Variants in PACRG observed in about 807,000 individuals in gnomAD.
PACRG encodes parkin coregulated, also known as parkin coregulated gene protein.
PACRG carries 29 observed loss-of-function variants against 29.7 expected under a neutral mutation model. That is an observed-to-expected ratio of 0.98 (90% CI 0.73 to 1.33). The LOEUF is 1.33. Ranked by LOEUF, PACRG falls within the 40% of genes most tolerant of loss-of-function variation. The probability of loss-of-function intolerance (pLI) is 0.00; values close to 1 mark genes in which losing one functional copy is unlikely to be tolerated. For missense variants in PACRG, 279 were observed against 316.2 expected (o/e 0.88, Z 0.89); for synonymous variants, 116 against 118.7 (o/e 0.98, Z 0.15).
chr6:162,896,136 G>A (rs977941510), intron 2 of PACRG, among the ~76,000 whole-genome samples: 1 of 152,208 alleles, frequency 6.6e-6, no homozygotes, highest in Admixed American at 6.5e-5. Flanking sequence ...CCTGAGAGGG[G>A]CCTAGGCAGG....
chr6:162,814,225 G>A lies in PACRG; in HGVS notation c.235G>A (p.Gly79Ser). 6.2e-7 allele frequency: 1 copy of A among 1,613,818 alleles called. No individual in the cohort carries two copies. The highest frequency in any genetic ancestry group is 8.5e-7 in the Non-Finnish European group (1 of 1,179,880). ...PTAFRKFYER[G>S]DFPIALEHDS... ...AGCATTTCGAAAATTCTATGAGCGAGGTGACTTCCCAATTGCCCTTGAGCA... is the reference window on the plus strand; with the variant it reads ...AGCATTTCGAAAATTCTATGAGCGAAGTGACTTCCCAATTGCCCTTGAGCA... The change falls in exon 2 of 5, where the codon GGT (glycine) becomes AGT (serine). Residue 79 changes from glycine (G) to serine (S), a missense_variant. By Grantham distance (56) the Gly-to-Ser change is moderately conservative (BLOSUM62 0). Transcript: ENST00000366888.
chr6:163,301,404 T>C (rs1784997632), intron 4 of PACRG, among the ~76,000 whole-genome samples: 1 of 152,202 alleles, frequency 6.6e-6, no homozygotes, highest in East Asian at 1.9e-4. Context: ...AAGCTATAAA[T>C]TGTTTGCTCA....
chr6:163,245,183 A>G, intron 4 of PACRG: 1 of 340,876 alleles, frequency 2.9e-6, no homozygotes, highest in East Asian at 7.8e-5. Context: ...TTTTTCCCCT[A>G]GGATGTTCTA....
intron 1 of PACRG, among the ~76,000 whole-genome samples, chr6:162,809,214 T>G (rs900608676): frequency 6.6e-6 from 1 of 151,874 alleles, no homozygotes; most frequent in Non-Finnish European, 1.5e-5. Flanking sequence ...GACAGCTAAT[T>G]GAGAACATTC....
At chr6:162,847,254 A>G (rs1194637714) in intron 2 of PACRG, among the ~76,000 whole-genome samples, 17 of 152,110 alleles carry the variant, frequency 1.1e-4, no homozygotes. Context: ...CTGGTCCTTC[A>G]CACCCTCTTC....
At chr6:163,310,918 T>C (rs1204100322) in intron 4 of PACRG, 1 of 152,190 alleles carries the variant, frequency 6.6e-6, no homozygotes, top group African/African-American at 2.4e-5. Context: ...GCCCGGAGGA[T>C]GCTATCGCTG....
chr6:162,964,888 C>G (rs763556962), intron 2 of PACRG, among the ~76,000 whole-genome samples: 41 of 152,180 alleles, frequency 2.7e-4, no homozygotes, highest in Non-Finnish European at 5.0e-4. Context: ...GAGGCTTCCT[C>G]TGGGAAATTC....
chr6:162,999,687 T>C (rs1356809539), intron 2 of PACRG, among the ~76,000 whole-genome samples: 3 of 152,244 alleles, frequency 2.0e-5, no homozygotes, highest in African/African-American at 4.8e-5. Context: ...AAAAATTATA[T>C]TTATTACATG....
At chr6:163,113,621 CA>C (rs112226471) in intron 4 of PACRG, among the ~76,000 whole-genome samples, 1,711 of 151,864 alleles carry the variant, frequency 0.011, 27 homozygotes, top group African/African-American at 0.033. Context: ...AACAAACAAA[CA>C]AAAAAAATTG....
chr6:163,257,348 GC>G (rs1194588510), intron 4 of PACRG, among the ~76,000 whole-genome samples: 2 of 152,128 alleles, frequency 1.3e-5, no homozygotes, highest in Admixed American at 1.3e-4. Flanking sequence ...GCAGCAGAGA[GC>G]CCAGTTAGGA....
intron 2 of PACRG, among the ~76,000 whole-genome samples, chr6:162,936,072 CA>C (rs1798213886): frequency 6.6e-6 from 1 of 152,142 alleles, no homozygotes; most frequent in Non-Finnish European, 1.5e-5. Context: ...TGGCAGAAGG[CA>C]AAAGGCACTT....
At chr6:162,776,592 C>T (rs1783661365) in intron 1 of PACRG, among the ~76,000 whole-genome samples, 2 of 152,184 alleles carry the variant, frequency 1.3e-5, no homozygotes, top group Admixed American at 6.5e-5. Context: ...TGGGCCTCAA[C>T]ATCAGAATTG....
intron 4 of PACRG, among the ~76,000 whole-genome samples, chr6:163,285,416 TA>T (rs1784365263): frequency 6.6e-6 from 1 of 152,136 alleles, no homozygotes; most frequent in Non-Finnish European, 1.5e-5. Context: ...CACAGCACAG[TA>T]GCAGTGATGA....
intron 4 of PACRG, among the ~76,000 whole-genome samples, chr6:163,241,784 G>A (rs1278750711): frequency 6.6e-6 from 1 of 152,170 alleles, no homozygotes; most frequent in African/African-American, 2.4e-5. Flanking sequence ...AAGGCAAAAG[G>A]GGAAAACCAG....
intron 2 of PACRG, among the ~76,000 whole-genome samples, chr6:162,841,682 G>A (rs533628116): frequency 0.17 from 24,451 of 145,688 alleles, 2,498 homozygotes; most frequent in Non-Finnish European, 0.25. Context: ...TTTTAATTGT[G>A]ATGTTAGGGT....
intron 4 of PACRG, among the ~76,000 whole-genome samples, chr6:163,303,307 G>A (rs1785072916): frequency 6.6e-6 from 1 of 152,036 alleles, no homozygotes; most frequent in African/African-American, 2.4e-5. Context: ...CTGGGTGACA[G>A]CGTGAGACCC....
At chr6:163,177,194 C>T (rs762658658) in intron 4 of PACRG, among the ~76,000 whole-genome samples, 7 of 152,210 alleles carry the variant, frequency 4.6e-5, no homozygotes, top group African/African-American at 9.6e-5. Flanking sequence ...GTTACACATA[C>T]GGCCCAGGGA....
rs150209420 is a variant in PACRG at position 163,211,289 on chromosome 6, T to C, written c.614-103538T>C. 2.4e-3 allele frequency among the ~76,000 whole-genome samples: 359 copies of C among 152,318 alleles called. 1 individual carries two copies. Among genetic ancestry groups the C allele is most frequent in the African/African-American group, 8.1e-3 (336 of 41,566 alleles). ...TATAATCCTGTGTACTATTCCATCA[T>C]TGGTTTAATGAAAACATTAACACTT... On this transcript the variant is annotated intron_variant, in intron 4 of 4. Coordinates refer to ENST00000366888, the MANE Select transcript of PACRG (RefSeq NM_001080379.2).
At chr6:163,246,598 G>A (rs528197309) in intron 4 of PACRG, among the ~76,000 whole-genome samples, 45 of 152,326 alleles carry the variant, frequency 3.0e-4, no homozygotes, top group Non-Finnish European at 5.0e-4. Context: ...CAGGGGCTCT[G>A]TCTCACTCCG....
Sources: allele counts gnomAD v4.1 joint callset (sites outside exome capture counted in the v4.1 genomes callset), GRCh38; gene constraint gnomAD v4.1.1; transcripts MANE v1.5; gene names NCBI Gene and HGNC (gene_info 2026-07-23, HGNC 2026-07-21).